FILIP1L: variants seen among roughly 807,000 people sequenced by gnomAD.
FILIP1L encodes the protein filamin A-interacting protein 1-like.
A neutral mutation model predicts 96.6 loss-of-function variants in FILIP1L; 55 were observed. That is an observed-to-expected ratio of 0.57 (90% CI 0.46 to 0.71). The LOEUF (loss-of-function observed/expected upper bound fraction) is 0.71. Among genes scored for constraint, FILIP1L ranks in the 30% least tolerant of loss-of-function variants. The pLI is 0.00. For synonymous variants in FILIP1L, 467 were observed against 473.9 expected (o/e 0.99, Z 0.19); for missense variants, 1,304 against 1,321.2 (o/e 0.99, Z 0.20).
rs866710190 is a variant in FILIP1L at position 99,842,520 on chromosome 3, A to G, written c.3381+5775T>C. On this transcript the variant is annotated intron_variant, in intron 5 of 5. Coordinates refer to ENST00000477258, the MANE Select transcript of FILIP1L (RefSeq NM_001387850.1). The stretch of plus-strand genomic sequence containing the variant: ...AAAACAGGCCAAAAAAAAAAAAAAA[A>G]GATGGTCTCAGGTAACCCCTCAAAT... Among the ~76,000 whole-genome samples, 85 of 143,192 alleles carry G rather than the reference A, an allele frequency of 5.9e-4. 1 individual carries two copies. Among genetic ancestry groups the G allele is most frequent in the Middle Eastern group, 7.2e-3 (2 of 278 alleles). 93.9% of individuals were successfully genotyped at this position (143,192 alleles called of 152,430 possible). A position where few individuals can be genotyped will look rare whatever the true frequency, so the allele number is the denominator to read the frequency against.
intron 1 of FILIP1L, among the ~76,000 whole-genome samples, chr3:100,048,398 G>C (rs1237882381): frequency 6.6e-6 from 1 of 152,146 alleles, no homozygotes; most frequent in South Asian, 2.1e-4. Context: ...CATTTGCTTG[G>C]GGTGAGTTGG....
At chr3:99,953,443 C>G (rs969011376) in intron 1 of FILIP1L, among the ~76,000 whole-genome samples, 3 of 152,058 alleles carry the variant, frequency 2.0e-5, no homozygotes, top group African/African-American at 7.2e-5. Flanking sequence ...GGTACAGATG[C>G]CTTTATGTCA....
chr3:100,018,995 A>G (rs987229903), intron 1 of FILIP1L, among the ~76,000 whole-genome samples: 7 of 152,212 alleles, frequency 4.6e-5, no homozygotes, highest in African/African-American at 1.7e-4. Context: ...CCACAGTGAA[A>G]CATCACTCAC....
intron 1 of FILIP1L, among the ~76,000 whole-genome samples, chr3:100,058,345 G>A (rs886424170): frequency 1.3e-5 from 2 of 152,204 alleles, no homozygotes; most frequent in African/African-American, 4.8e-5. Flanking sequence ...ACAATCAGAT[G>A]CTTATAAACG....
intron 5 of FILIP1L, among the ~76,000 whole-genome samples, chr3:99,835,771 A>G (rs867222548): frequency 6.6e-6 from 1 of 152,236 alleles, no homozygotes; most frequent in Non-Finnish European, 1.5e-5. Context: ...AGGTAGAATG[A>G]CGTGCAATAA....
intron 1 of FILIP1L, among the ~76,000 whole-genome samples, chr3:99,937,006 C>T (rs1707698578): frequency 6.6e-6 from 1 of 152,010 alleles, no homozygotes; most frequent in Admixed American, 6.6e-5. Flanking sequence ...GGCGTGATCT[C>T]GGGTCACTGC....
intron 1 of FILIP1L, among the ~76,000 whole-genome samples, chr3:99,980,450 A>G (rs966675972): frequency 6.6e-6 from 1 of 152,228 alleles, no homozygotes; most frequent in Non-Finnish European, 1.5e-5. Context: ...GCAGTTCCTC[A>G]TAACCAGCAC....
rs186454505 is a variant in FILIP1L at position 99,913,546 on chromosome 3, C to G, written c.605+10684G>C. Among the ~76,000 whole-genome samples, 761 of 152,120 alleles carry G rather than the reference C, an allele frequency of 5.0e-3. 5 individuals are homozygous for G. The highest frequency in any genetic ancestry group is 0.017 in the African/African-American group (719 of 41,472). ...TACAATCTAAAGCTCATAAGGTGGC[C>G]TGGCTAAATGAATTGCATCTATAAA... On this transcript the variant is annotated intron_variant, in intron 4 of 5. Transcript: ENST00000477258.
chr3:100,073,984 C>T (rs1007795708), intron 1 of FILIP1L, among the ~76,000 whole-genome samples: 1 of 148,236 alleles, frequency 6.7e-6, no homozygotes, highest in Non-Finnish European at 1.5e-5. Context: ...CCATGGTTCT[C>T]CTTCCCTTTT....
chr3:100,081,885 C>G (rs1181673119), intron 1 of FILIP1L, among the ~76,000 whole-genome samples: 7 of 152,158 alleles, frequency 4.6e-5, no homozygotes, highest in Non-Finnish European at 1.0e-4. Flanking sequence ...CAGTAGCACC[C>G]TCCGAGTTGT....
At chr3:99,905,261 C>G (rs989410134) in intron 4 of FILIP1L, among the ~76,000 whole-genome samples, 16 of 152,164 alleles carry the variant, frequency 1.1e-4, no homozygotes, top group African/African-American at 2.9e-4. Context: ...TGCTGAAACT[C>G]CCAAATTTTT....
At chr3:99,879,819 C>G (rs1291969874) in intron 4 of FILIP1L, among the ~76,000 whole-genome samples, 1 of 152,170 alleles carries the variant, frequency 6.6e-6, no homozygotes, top group East Asian at 1.9e-4. Context: ...TGTATAAGAC[C>G]TGGTCTTATG....
At chr3:99,855,247 C>T (rs1457405518) in intron 4 of FILIP1L, among the ~76,000 whole-genome samples, 1 of 152,086 alleles carries the variant, frequency 6.6e-6, no homozygotes, top group Admixed American at 6.5e-5. Flanking sequence ...AAAATCTGTC[C>T]ACATTTCTGG....
intron 1 of FILIP1L, among the ~76,000 whole-genome samples, chr3:99,989,228 G>A (rs1296596984): frequency 6.6e-6 from 1 of 152,128 alleles, no homozygotes; most frequent in African/African-American, 2.4e-5. Flanking sequence ...AGCTCACAAA[G>A]CCAACCTCTG....
At chr3:99,984,378 G>A (rs768403533) in intron 1 of FILIP1L, among the ~76,000 whole-genome samples, 1 of 152,158 alleles carries the variant, frequency 6.6e-6, no homozygotes, top group Non-Finnish European at 1.5e-5. Context: ...ATTTATTACT[G>A]ATAGATAATG....
At position 99,849,353 on chromosome 3, in the gene FILIP1L, G is replaced by A. The variant is rs1269575591; in HGVS notation, c.2323C>T (p.Arg775Trp). ...GGCCTGAGGCTCTTACTGAAATGCC[G>A]GTACCTCTCTAACTCCTTAGTGAGG... ...ENLTKELERY[R>W]HFSKSLRPSL... Residue 775 changes from arginine (R) to tryptophan (W), a missense_variant, in exon 5 of 6, where the codon CGG becomes TGG. Physicochemically the swap from Arg to Trp is moderately radical, Grantham distance 101 (BLOSUM62 -3). Coordinates refer to ENST00000477258, the MANE Select transcript of FILIP1L (RefSeq NM_001387850.1). The A allele has an allele frequency of 3.1e-6, 5 of 1,613,960 alleles. No individual in the cohort carries two copies. Among genetic ancestry groups the A allele is most frequent in the Non-Finnish European group, 4.2e-6 (5 of 1,179,942 alleles).
intron 5 of FILIP1L, among the ~76,000 whole-genome samples, chr3:99,832,968 T>G (rs1379163102): frequency 6.6e-6 from 1 of 151,666 alleles, no homozygotes; most frequent in Non-Finnish European, 1.5e-5. Context: ...GAGCGTTATG[T>G]CAAATAGCTC....
Position 100,021,541 on chromosome 3 carries a change from A to C in FILIP1L, c.-10-90511T>G, listed in dbSNP as rs144205860. Reference sequence around the variant, plus strand: ...TCTGAGTGCCAGAAAGAACAGAGTCAAGAAAGGAGCTATCGTGAGCTCTTG... The same window carrying C: ...TCTGAGTGCCAGAAAGAACAGAGTCCAGAAAGGAGCTATCGTGAGCTCTTG... On this transcript the variant is annotated intron_variant, in intron 1 of 5. Coordinates refer to ENST00000477258, the MANE Select transcript of FILIP1L (RefSeq NM_001387850.1). 1.6e-4 allele frequency among the ~76,000 whole-genome samples: 25 copies of C among 152,300 alleles called. No individual in the cohort carries two copies. The East Asian group carries it at 4.8e-3, about 29-fold the overall frequency.
intron 1 of FILIP1L, among the ~76,000 whole-genome samples, chr3:99,973,334 G>A (rs891105524): frequency 6.6e-6 from 1 of 152,150 alleles, no homozygotes; most frequent in African/African-American, 2.4e-5. Flanking sequence ...GTGTGTGTAT[G>A]CAAAATTGCA....
Sources: allele counts gnomAD v4.1 joint callset (sites outside exome capture counted in the v4.1 genomes callset), GRCh38; gene constraint gnomAD v4.1.1; transcripts MANE v1.5; gene names NCBI Gene and HGNC (gene_info 2026-07-23, HGNC 2026-07-21).